The following MGLL variants were observed in gnomAD, a reference collection of about 807,000 sequenced individuals.
The protein encoded by MGLL is monoglyceride lipase, also known as lysophospholipase homolog.
In MGLL, 7 loss-of-function variants were observed where a neutral mutation model predicts 29.1. That is an observed-to-expected ratio of 0.24 (90% CI 0.14 to 0.45). The LOEUF (loss-of-function observed/expected upper bound fraction) is 0.45, where lower values mean the gene tolerates loss of function less well. Among genes scored for constraint, MGLL ranks in the 20% least tolerant of loss-of-function variants. The probability of loss-of-function intolerance (pLI) is 0.99; values close to 1 mark genes in which losing one functional copy is unlikely to be tolerated. For synonymous variants in MGLL, 148 were observed against 168.3 expected (o/e 0.88, Z 0.93); for missense variants, 356 against 413.6 (o/e 0.86, Z 1.21).
intron 3 of MGLL, among the ~76,000 whole-genome samples, chr3:127,727,896 C>T (rs1188814129): frequency 1.3e-5 from 2 of 152,104 alleles, no homozygotes; most frequent in Non-Finnish European, 2.9e-5. Flanking sequence ...AATAAGCCTA[C>T]GGCAAGAAGC....
chr3:127,738,973 C>T (rs1477040197), intron 3 of MGLL, among the ~76,000 whole-genome samples: 3 of 152,208 alleles, frequency 2.0e-5, no homozygotes, highest in African/African-American at 7.2e-5. Flanking sequence ...TGTCCACCAT[C>T]GCAGAAATTT....
chr3:127,732,997 G>C (rs1200528607), intron 3 of MGLL, among the ~76,000 whole-genome samples: 1 of 152,170 alleles, frequency 6.6e-6, no homozygotes, highest in Non-Finnish European at 1.5e-5. Flanking sequence ...CATCTTGAAC[G>C]GGGGCTGGGT....
intron 2 of MGLL, among the ~76,000 whole-genome samples, chr3:127,806,555 T>C (rs2107744327): frequency 6.6e-6 from 1 of 151,824 alleles, no homozygotes; most frequent in Admixed American, 6.6e-5. Context: ...GACTGAAGGA[T>C]AAATGAATGT....
At chr3:127,726,275 GGAGA>G (rs1559926570) in intron 3 of MGLL, among the ~76,000 whole-genome samples, 1 of 96,570 alleles carries the variant, frequency 1.0e-5, no homozygotes, top group East Asian at 2.7e-4. Context: ...AAGGAGGGAG[GGAGA>G]GAGGAAGGAA....
intron 3 of MGLL, among the ~76,000 whole-genome samples, chr3:127,762,548 G>A (rs1456258315): frequency 6.6e-6 from 1 of 152,168 alleles, no homozygotes; most frequent in East Asian, 1.9e-4. Context: ...GAGGTGCACA[G>A]AACCTGGTTC....
At chr3:127,785,162 A>G (rs968852998) in intron 2 of MGLL, among the ~76,000 whole-genome samples, 1 of 151,804 alleles carries the variant, frequency 6.6e-6, no homozygotes, top group African/African-American at 2.4e-5. Flanking sequence ...ACCCCCTGTG[A>G]GCACACCCCT....
At chr3:127,803,007 T>A (rs1024856759) in intron 2 of MGLL, among the ~76,000 whole-genome samples, 4 of 151,518 alleles carry the variant, frequency 2.6e-5, no homozygotes, top group African/African-American at 9.7e-5. Context: ...TTAGACAGAG[T>A]CTTGCTCTGT....
chr3:127,783,492 C>T (rs1243607178), intron 2 of MGLL, among the ~76,000 whole-genome samples: 3 of 152,192 alleles, frequency 2.0e-5, no homozygotes, highest in South Asian at 4.1e-4. Context: ...GTATCCCAGC[C>T]GAGCAACATG....
At chr3:127,767,509 G>C (rs2076879373) in intron 3 of MGLL, among the ~76,000 whole-genome samples, 1 of 152,230 alleles carries the variant, frequency 6.6e-6, no homozygotes, top group Non-Finnish European at 1.5e-5. Flanking sequence ...CAGGAGCATT[G>C]TCTCATTCCT....
intron 3 of MGLL, among the ~76,000 whole-genome samples, chr3:127,744,862 T>C (rs1254554415): frequency 6.6e-6 from 1 of 152,204 alleles, no homozygotes; most frequent in Non-Finnish European, 1.5e-5. Context: ...TTAGGTAAAT[T>C]CCTGACCTGA....
intron 2 of MGLL, 104 bp from the exon 3 acceptor site, chr3:127,781,999 T>C (rs2077136041): frequency 5.0e-6 from 5 of 1,007,710 alleles, no homozygotes; most frequent in South Asian, 2.7e-5. Flanking sequence ...GGCGGGCGGA[T>C]TGCCTGAGCT....
At chr3:127,779,102 A>G (rs888706379) in intron 3 of MGLL, among the ~76,000 whole-genome samples, 3 of 142,426 alleles carry the variant, frequency 2.1e-5, no homozygotes, top group Non-Finnish European at 4.8e-5. Context: ...GCAGTGGCTC[A>G]CGCCTGTAAC....
At chr3:127,787,955 C>T (rs1274997161) in intron 2 of MGLL, among the ~76,000 whole-genome samples, 1 of 152,224 alleles carries the variant, frequency 6.6e-6, no homozygotes, top group African/African-American at 2.4e-5. Flanking sequence ...ACTTGTCCTT[C>T]CTCTTGGAGT....
intron 3 of MGLL, among the ~76,000 whole-genome samples, chr3:127,753,883 C>T (rs985872923): frequency 1.2e-4 from 18 of 152,206 alleles, no homozygotes; most frequent in Admixed American, 1.2e-3. Context: ...CAACACTCTT[C>T]CTTGGTGATG....
At chr3:127,694,270 A>G (rs79526652) in intron 7 of MGLL, among the ~76,000 whole-genome samples, 995 of 69,146 alleles carry the variant, frequency 0.014, 5 homozygotes, top group African/African-American at 0.033. Flanking sequence ...ACTCTGTCTG[A>G]AAAAAAAAAA....
chr3:127,722,711 G>A (rs1054491566), intron 3 of MGLL, 145 bp from the exon 4 acceptor site: 29 of 1,171,492 alleles, frequency 2.5e-5, no homozygotes, highest in South Asian at 4.0e-5. Flanking sequence ...ACTCTTGAAC[G>A]TTGGAATTCT....
At chr3:127,714,415 C>T (rs2075776338) in intron 5 of MGLL, among the ~76,000 whole-genome samples, 1 of 152,186 alleles carries the variant, frequency 6.6e-6, no homozygotes, top group South Asian at 2.1e-4. Flanking sequence ...CCCTCGCTCC[C>T]CTAAAGGAGC....
chr3:127,812,256 C>T (rs778903363), intron 2 of MGLL, among the ~76,000 whole-genome samples: 10 of 152,222 alleles, frequency 6.6e-5, no homozygotes, highest in Non-Finnish European at 1.5e-5. Flanking sequence ...GCCACAAATC[C>T]TGTACTGCAT....
intron 2 of MGLL, among the ~76,000 whole-genome samples, chr3:127,815,838 G>A (rs1390296977): frequency 1.3e-5 from 2 of 152,170 alleles, no homozygotes; most frequent in African/African-American, 4.8e-5. Flanking sequence ...ATAATTATCC[G>A]TGTGTTGGTC....
Sources: gnomAD v4.1 joint callset for allele counts (sites outside exome capture counted in the v4.1 genomes callset) on GRCh38, gnomAD v4.1.1 for gene constraint, MANE v1.5 for transcripts, NCBI Gene and HGNC (gene_info 2026-07-23, HGNC 2026-07-21) for gene names.